The following ATP5PO variants were observed in gnomAD, a reference collection of about 807,000 sequenced individuals.
ATP5PO encodes the protein ATP synthase peripheral stalk subunit OSCP, mitochondrial.
In ATP5PO, 14 loss-of-function variants were observed where a neutral mutation model predicts 26.2. The ratio of observed to expected loss-of-function variants is 0.53; its 90% CI spans 0.35 to 0.83. The LOEUF (loss-of-function observed/expected upper bound fraction) is 0.83, where lower values mean the gene tolerates loss of function less well. ATP5PO is among the 40% of genes least tolerant of loss of function. The probability of loss-of-function intolerance (pLI) is 0.01; values close to 1 mark genes in which losing one functional copy is unlikely to be tolerated. For missense variants in ATP5PO, 241 were observed against 258.5 expected (o/e 0.93, Z 0.46); for synonymous variants, 106 against 95.1 (o/e 1.12, Z -0.67).
At chr21:33,908,153 AAG>A (rs1201379231) in intron 4 of ATP5PO, among the ~76,000 whole-genome samples, 1 of 144,754 alleles carries the variant, frequency 6.9e-6, no homozygotes, top group Non-Finnish European at 1.5e-5. Context: ...GGGTGACAGA[AAG>A]GGACACCCAG....
intron 5 of ATP5PO, among the ~76,000 whole-genome samples, chr21:33,904,260 G>A (rs565358797): frequency 3.3e-5 from 5 of 152,248 alleles, no homozygotes; most frequent in East Asian, 3.9e-4. Flanking sequence ...GTTCAAGGAC[G>A]GCCTGTAAAT....
chr21:33,912,378 T>C lies in ATP5PO; in HGVS notation c.109A>G (p.Ile37Val), dbSNP rs1376769449. 6.2e-7 allele frequency: 1 copy of C among 1,611,934 alleles called. No homozygotes were observed. The highest frequency in any genetic ancestry group is 1.1e-5 in the South Asian group (1 of 90,760). Residue 37 changes from isoleucine to valine, a missense_variant, in exon 3 of 7, where the codon ATT becomes GTT. This residue lies in a region of ATP5PO where 125 missense variants were observed against 108.5 expected (regional missense o/e 1.15). Transcript: ENST00000290299. ...LVRPPVQVYG[I>V]EGRYATALYS... ...AGAGCTGTGGCATAGCGACCTTCAA[T>C]ACCGTATACCTGAACAGGAGGCTTT...
chr21:33,909,365 C>T (rs1291565401), intron 3 of ATP5PO, among the ~76,000 whole-genome samples, 154 bp from the exon 4 acceptor site: 1 of 152,172 alleles, frequency 6.6e-6, no homozygotes, highest in Non-Finnish European at 1.5e-5. Context: ...ACACAACCTC[C>T]ACATCCCGGG....
intron 4 of ATP5PO, 65 bp from the exon 5 acceptor site, chr21:33,907,518 T>C (rs1412045376): frequency 7.2e-7 from 1 of 1,397,320 alleles, no homozygotes; most frequent in Non-Finnish European, 1.0e-6. Flanking sequence ...TGAAGTTGTA[T>C]ACTCAACCCA....
chr21:33,909,062 GA>G lies in ATP5PO; in HGVS notation c.328+19del. 1.9e-6 allele frequency: 3 copies of G among 1,578,152 alleles called. No individual in the cohort carries two copies. The highest frequency in any genetic ancestry group is 2.6e-6 in the Non-Finnish European group (3 of 1,157,650). On this transcript the variant is annotated intron_variant, in intron 4 of 6. Coordinates refer to ENST00000290299, the MANE Select transcript of ATP5PO (RefSeq NM_001697.3). ...GTCATAGTTTCAAGACACCTCAAAT[GA>G]AAAAGTTCTAATACTCACTGATCAG...
At chr21:33,914,662 G>T in intron 1 of ATP5PO, 162 bp from the exon 2 acceptor site, 1 of 598,014 alleles carries the variant, frequency 1.7e-6, no homozygotes, top group South Asian at 2.4e-5. Context: ...TATTACTAAG[G>T]GGTAAACTTA....
In ATP5PO at chr21:33,907,437, AT is replaced by A; in HGVS notation, c.344del (p.Asn115MetfsTer4). On this transcript the variant is annotated frameshift_variant, in exon 5 of 7. Transcript: ENST00000290299. LOFTEE classifies it high-confidence loss of function. ...CTCCTTGGGTATTGCTTAATCGACC[AT>A]TTTCAGCAAGCAAATCTGCCAGAGT... ...TTNLINLLAE[N>X]GRLSNTQGVV... 6.2e-7 allele frequency: 1 copy of A among 1,614,054 alleles called. No homozygotes were observed. The highest frequency in any genetic ancestry group is 1.1e-5 in the South Asian group (1 of 91,084).
At chr21:33,909,383 G>A (rs963409269) in intron 3 of ATP5PO, among the ~76,000 whole-genome samples, 172 bp from the exon 4 acceptor site, 4 of 152,086 alleles carry the variant, frequency 2.6e-5, no homozygotes, top group Admixed American at 2.6e-4. Context: ...GGGTTCAAGC[G>A]ATTATCCTGC....
Position 33,909,213 on chromosome 21 carries a change from T to C in ATP5PO, c.199-2A>G, listed in dbSNP as rs1956612740. 1 of 1,608,270 alleles carries C rather than the reference T, an allele frequency of 6.2e-7. No individual in the cohort carries two copies. The highest frequency in any genetic ancestry group is 8.5e-7 in the Non-Finnish European group (1 of 1,178,264). On this transcript the variant is annotated splice_acceptor_variant, in intron 3 of 6. Coordinates refer to ENST00000290299, the MANE Select transcript of ATP5PO (RefSeq NM_001697.3). LOFTEE classifies it high-confidence loss of function. ...CACTTTGGGTTCCTTCAGGATTTGC[T>C]GAAAGCATCAAAAAATAATTTCTTA...
chr21:33,910,343 T>C (rs1426543668), intron 3 of ATP5PO, among the ~76,000 whole-genome samples: 1 of 152,188 alleles, frequency 6.6e-6, no homozygotes, highest in African/African-American at 2.4e-5. Context: ...CCATAAAAAA[T>C]GCAGGAATAT....
At chr21:33,913,801 ACAGAGTCTTGGTCTATTGCC>A (rs1987278971) in intron 2 of ATP5PO, among the ~76,000 whole-genome samples, 1 of 151,280 alleles carries the variant, frequency 6.6e-6, no homozygotes, top group Non-Finnish European at 1.5e-5. Context: ...TTTTTTCGAG[ACAGAGTCTTGGTCTATTGCC>A]CAGGCTGGAG....
intron 5 of ATP5PO, among the ~76,000 whole-genome samples, chr21:33,904,870 A>G (rs528742692): frequency 6.6e-6 from 1 of 152,230 alleles, no homozygotes; most frequent in South Asian, 2.1e-4. Context: ...CTTCCCAAGT[A>G]GCTGGAATTA....
chr21:33,913,327 T>C (rs530707326), intron 2 of ATP5PO, among the ~76,000 whole-genome samples: 6 of 152,338 alleles, frequency 3.9e-5, no homozygotes, highest in African/African-American at 1.4e-4. Context: ...ATCTTTCCTT[T>C]ACACGATTTT....
chr21:33,915,588 G>T (rs773012569), intron 1 of ATP5PO, 140 bp downstream of exon 1: 28 of 1,294,536 alleles, frequency 2.2e-5, no homozygotes, highest in African/African-American at 4.5e-5. Flanking sequence ...GTCCTGAGTC[G>T]CTCCCACTCG....
chr21:33,914,407 T>G (rs1422430090), intron 2 of ATP5PO, 43 bp downstream of exon 2: 1 of 1,582,726 alleles, frequency 6.3e-7, no homozygotes, highest in African/African-American at 1.3e-5. Context: ...TGACTCACAC[T>G]TTCGCGTACT....
chr21:33,907,073 A>C (rs1337436526), intron 5 of ATP5PO: 2 of 454,046 alleles, frequency 4.4e-6, no homozygotes, highest in African/African-American at 4.0e-5. Flanking sequence ...ATAGAGTCTA[A>C]ACCACTCTTT....
chr21:33,907,870 G>C (rs1426244991), intron 4 of ATP5PO, among the ~76,000 whole-genome samples: 1 of 152,216 alleles, frequency 6.6e-6, no homozygotes, highest in Non-Finnish European at 1.5e-5. Flanking sequence ...TGTGAATGGA[G>C]GCCAAGTGCA....
chr21:33,910,478 T>C (rs938990394), intron 3 of ATP5PO, among the ~76,000 whole-genome samples: 2 of 152,196 alleles, frequency 1.3e-5, no homozygotes, highest in African/African-American at 4.8e-5. Context: ...AAAACCCTGC[T>C]AATATTCAGT....
At chr21:33,907,480 C>T (rs1987189086) in intron 4 of ATP5PO, 27 bp from the exon 5 acceptor site, 2 of 1,571,320 alleles carry the variant, frequency 1.3e-6, no homozygotes, top group Admixed American at 3.3e-5. Context: ...GTCTCAGTAA[C>T]AAGAAACTCA....
Sources: gnomAD v4.1 joint callset for allele counts (sites outside exome capture counted in the v4.1 genomes callset) on GRCh38, gnomAD v4.1.1 for gene constraint, gnomAD v4.1.1 regional missense constraint, MANE v1.5 for transcripts, NCBI Gene and HGNC (gene_info 2026-07-23, HGNC 2026-07-21) for gene names.